The following COL22A1 variants were observed in gnomAD, a reference collection of about 807,000 sequenced individuals.
COL22A1 encodes the protein collagen type XXII alpha 1 chain.
Under a neutral mutation model 248.9 loss-of-function variants are expected in COL22A1, and 221 were observed. That is an observed-to-expected ratio of 0.89 (90% CI 0.80 to 0.99). The LOEUF (loss-of-function observed/expected upper bound fraction) is 0.99. Among genes scored for constraint, COL22A1 ranks in the 50% least tolerant of loss-of-function variants. The pLI is 0.00. For missense variants in COL22A1, 2,240 were observed against 2,179.0 expected (o/e 1.03, Z -0.56); for synonymous variants, 891 against 793.4 (o/e 1.12, Z -2.07).
intron 3 of COL22A1, among the ~76,000 whole-genome samples, chr8:138,856,424 GAGAA>G (rs1822013652): frequency 6.6e-6 from 1 of 152,000 alleles, no homozygotes; most frequent in Non-Finnish European, 1.5e-5. Context: ...GAGAAAGAGA[GAGAA>G]AGAGAGACAG....
At position 138,826,448 on chromosome 8, in the gene COL22A1, G is replaced by A. The variant is rs75504505; in HGVS notation, c.969+210C>T. Among the ~76,000 whole-genome samples, 700 of 152,248 alleles carry A rather than the reference G, an allele frequency of 4.6e-3. 5 individuals are homozygous for A. The highest frequency in any genetic ancestry group is 0.016 in the African/African-American group (653 of 41,542). ...TTCTTTACCCCCATCAGAAGGCCTGGTACTACATTATCATTAGGACAAGAA... is the reference window on the plus strand; with the variant it reads ...TTCTTTACCCCCATCAGAAGGCCTGATACTACATTATCATTAGGACAAGAA... On this transcript the variant is annotated intron_variant, in intron 6 of 64. Coordinates refer to ENST00000303045, the MANE Select transcript of COL22A1 (RefSeq NM_152888.3).
At chr8:138,648,584 CT>C (rs143017862) in intron 46 of COL22A1, among the ~76,000 whole-genome samples, 7,963 of 149,156 alleles carry the variant, frequency 0.053, 261 homozygotes, top group South Asian at 0.11. Context: ...GCAAAGAAGG[CT>C]TTTTTTTTTC....
Position 138,826,793 on chromosome 8 carries a change from T to C in COL22A1, c.846-12A>G, listed in dbSNP as rs985070693. 6.2e-7 allele frequency: 1 copy of C among 1,613,392 alleles called. No homozygotes were observed. The highest frequency in any genetic ancestry group is 1.3e-5 in the African/African-American group (1 of 74,828). Reference sequence around the variant, plus strand: ...GGGGGAACACATCCCTGGAGAAAAATGGAGACAAAGACACCAGGCTTGGCG... The same window carrying C: ...GGGGGAACACATCCCTGGAGAAAAACGGAGACAAAGACACCAGGCTTGGCG... On this transcript the variant is annotated splice_polypyrimidine_tract_variant and intron_variant, in intron 5 of 64. Coordinates refer to ENST00000303045, the MANE Select transcript of COL22A1 (RefSeq NM_152888.3).
intron 35 of COL22A1, among the ~76,000 whole-genome samples, chr8:138,692,440 T>G (rs1473279043): frequency 2.0e-5 from 3 of 150,902 alleles, no homozygotes; most frequent in Non-Finnish European, 4.4e-5. Flanking sequence ...TGTGCATGTG[T>G]GTGGAGGTGT....
At chr8:138,655,002 C>T (rs754589961) in intron 45 of COL22A1, among the ~76,000 whole-genome samples, 3 of 152,182 alleles carry the variant, frequency 2.0e-5, no homozygotes, top group African/African-American at 4.8e-5. Context: ...TTGACTCTGC[C>T]GCTGGCCCTC....
chr8:138,695,324 C>T (rs4514025), intron 32 of COL22A1, among the ~76,000 whole-genome samples: 148,639 of 152,238 alleles, frequency 0.98, 72,672 homozygotes, highest in East Asian at 1. Context: ...CCAAACACTA[C>T]TTTTTCTCCC....
chr8:138,652,978 C>A (rs542455248), intron 45 of COL22A1, among the ~76,000 whole-genome samples: 2 of 152,038 alleles, frequency 1.3e-5, no homozygotes, highest in African/African-American at 4.8e-5. Context: ...CACTCCTGGC[C>A]TCAAGTGATC....
intron 43 of COL22A1, among the ~76,000 whole-genome samples, chr8:138,661,356 T>C (rs994033779): frequency 6.6e-6 from 1 of 152,246 alleles, no homozygotes; most frequent in African/African-American, 2.4e-5. Flanking sequence ...TGAAAAGTTG[T>C]ATGTCTAAGC....
intron 31 of COL22A1, among the ~76,000 whole-genome samples, chr8:138,701,377 A>T (rs1403090546): frequency 1.3e-5 from 2 of 152,324 alleles, no homozygotes; most frequent in African/African-American, 4.8e-5. Flanking sequence ...GAAGCAGTAA[A>T]TGGACAAAAA....
At chr8:138,728,441 A>G (rs750566945) in intron 23 of COL22A1, among the ~76,000 whole-genome samples, 7 of 152,156 alleles carry the variant, frequency 4.6e-5, no homozygotes, top group Non-Finnish European at 1.0e-4. Context: ...TGAACAATTC[A>G]GTTCCCTTCC....
chr8:138,714,853 G>A (rs1360563083), intron 30 of COL22A1, among the ~76,000 whole-genome samples: 1 of 152,110 alleles, frequency 6.6e-6, no homozygotes, highest in African/African-American at 2.4e-5. Context: ...GCAATGACAC[G>A]CTGGGCTCAT....
chr8:138,663,544 C>T (rs1013004004), intron 42 of COL22A1, among the ~76,000 whole-genome samples, 161 bp downstream of exon 42: 4 of 152,148 alleles, frequency 2.6e-5, no homozygotes, highest in Admixed American at 6.5e-5. Context: ...ACACTGTATT[C>T]CACAGGTCAG....
chr8:138,768,771 A>G (rs1354163702), intron 16 of COL22A1, among the ~76,000 whole-genome samples: 2 of 152,082 alleles, frequency 1.3e-5, no homozygotes, highest in African/African-American at 4.8e-5. Flanking sequence ...CCCTGTCTCT[A>G]CTAAAAATAC....
In COL22A1 at chr8:138,589,378, C is replaced by T. The variant is rs773033974; in HGVS notation, c.4756G>A (p.Glu1586Lys). ...CCAGGATGTCCAGCTGGTCCTGTCT[C>T]CCCTTGAGGGCCAGGGATCCCAGGA... ...GLPGIPGPQG[E>K]TGPAGHPGLP... The change falls in exon 65 of 65, where the codon GAG becomes AAG. Residue 1586 changes from glutamate to lysine, a missense_variant. By Grantham distance (56) the Glu-to-Lys change is moderately conservative. Coordinates refer to ENST00000303045, the MANE Select transcript of COL22A1 (RefSeq NM_152888.3). 10 of 1,606,176 alleles carry T rather than the reference C, an allele frequency of 6.2e-6. No homozygotes were observed. The South Asian group carries it at 6.6e-5, about 11-fold the overall frequency.
intron 3 of COL22A1, among the ~76,000 whole-genome samples, chr8:138,846,004 C>T (rs34285922): frequency 0.016 from 2,379 of 152,272 alleles, 30 homozygotes; most frequent in Non-Finnish European, 0.024. Flanking sequence ...GTGCAGGGAA[C>T]AAATGAGATC....
At chr8:138,781,125 A>G (rs1586729767) in intron 12 of COL22A1, 145 bp from the exon 13 acceptor site, 2 of 650,762 alleles carry the variant, frequency 3.1e-6, no homozygotes, top group East Asian at 5.2e-5. Context: ...AGCCTGCAGC[A>G]TAGGCATCAC....
chr8:138,830,238 C>T (rs1819934020), intron 5 of COL22A1, among the ~76,000 whole-genome samples: 1 of 152,148 alleles, frequency 6.6e-6, no homozygotes. Context: ...TTTTGAGTCT[C>T]AAATGTTGTA....
At chr8:138,756,657 A>C (rs1374788490) in intron 18 of COL22A1, among the ~76,000 whole-genome samples, 1 of 152,190 alleles carries the variant, frequency 6.6e-6, no homozygotes, top group Non-Finnish European at 1.5e-5. Flanking sequence ...TGAATAAATG[A>C]ATCACCAATT....
chr8:138,790,973 T>C (rs1450956377), intron 12 of COL22A1, among the ~76,000 whole-genome samples: 1 of 152,220 alleles, frequency 6.6e-6, no homozygotes, highest in Non-Finnish European at 1.5e-5. Flanking sequence ...GTACTTGCTA[T>C]GATTTCAAGC....
Sources: allele counts gnomAD v4.1 joint callset (sites outside exome capture counted in the v4.1 genomes callset), GRCh38; gene constraint gnomAD v4.1.1; transcripts MANE v1.5; gene names NCBI Gene and HGNC (gene_info 2026-07-23, HGNC 2026-07-21).